The following NTRK3 variants were observed in gnomAD, a reference collection of about 807,000 sequenced individuals.
NTRK3 encodes neurotrophic receptor tyrosine kinase 3.
NTRK3 carries 24 observed loss-of-function variants against 91.7 expected under a neutral mutation model. That is an observed-to-expected ratio of 0.26 (90% CI 0.19 to 0.37). The LOEUF is 0.37. Among genes scored for constraint, NTRK3 ranks in the 10% least tolerant of loss-of-function variants. The pLI is 1.00. For missense variants in NTRK3, 880 were observed against 1,068.9 expected (o/e 0.82, Z 2.46); for synonymous variants, 483 against 404.0 (o/e 1.20, Z -2.34).
At chr15:88,077,145 A>C (rs1338740861) in intron 13 of NTRK3, among the ~76,000 whole-genome samples, 1 of 152,128 alleles carries the variant, frequency 6.6e-6, no homozygotes, top group Admixed American at 6.5e-5. Flanking sequence ...TTCTCCAAGC[A>C]GATAAATGAA....
At chr15:87,894,446 T>C (rs2066005206) in intron 17 of NTRK3, among the ~76,000 whole-genome samples, 1 of 152,200 alleles carries the variant, frequency 6.6e-6, no homozygotes, top group Non-Finnish European at 1.5e-5. Flanking sequence ...ACAATGCATG[T>C]GCATCGTGTG....
intron 3 of NTRK3, among the ~76,000 whole-genome samples, chr15:88,242,968 G>C (rs1326721320): frequency 6.6e-6 from 1 of 152,224 alleles, no homozygotes; most frequent in East Asian, 1.9e-4. Context: ...ACCTGCCCTA[G>C]GGATGGGAGC....
intron 5 of NTRK3, among the ~76,000 whole-genome samples, chr15:88,169,107 G>A (rs2045270680): frequency 6.6e-6 from 1 of 152,184 alleles, no homozygotes; most frequent in African/African-American, 2.4e-5. Flanking sequence ...GAGCCCTGGA[G>A]GACATGCAGG....
At chr15:88,247,010 A>C (rs1027446785) in intron 3 of NTRK3, among the ~76,000 whole-genome samples, 1 of 152,146 alleles carries the variant, frequency 6.6e-6, no homozygotes, top group Non-Finnish European at 1.5e-5. Context: ...GGCCACCAGG[A>C]GTGTAGCCGC....
intron 6 of NTRK3, among the ~76,000 whole-genome samples, chr15:88,139,946 G>A (rs933059028): frequency 4.6e-5 from 7 of 151,202 alleles, no homozygotes; most frequent in East Asian, 2.0e-4. Flanking sequence ...GGGGGGTGGG[G>A]GTAAGTAGAA....
intron 17 of NTRK3, chr15:87,927,768 G>A (rs1332946396): frequency 6.6e-6 from 1 of 152,152 alleles, no homozygotes; most frequent in Admixed American, 6.5e-5. Flanking sequence ...CAATTAATTT[G>A]TTTGCACCTT....
intron 14 of NTRK3, 42 bp downstream of exon 14, chr15:88,032,815 C>CA: frequency 6.2e-7 from 1 of 1,605,774 alleles, no homozygotes; most frequent in Non-Finnish European, 8.5e-7. Context: ...ACCAACCACC[C>CA]TCCCCTCCCC....
At chr15:87,904,317 ATT>A (rs555981141) in intron 17 of NTRK3, among the ~76,000 whole-genome samples, 1 of 148,518 alleles carries the variant, frequency 6.7e-6, no homozygotes, top group East Asian at 2.0e-4. Context: ...CGCCCGGCTA[ATT>A]TTTTTTTTAT....
At chr15:87,866,356 G>A (rs941861039) in exon 19 of NTRK3, 1 of 180,282 alleles carries the variant, frequency 5.5e-6, no homozygotes, top group Non-Finnish European at 1.2e-5. Context: ...GAATATATTA[G>A]AAGGAATCAA....
Position 88,137,292 on chromosome 15 carries a change from G to C in NTRK3, c.622+112C>G, listed in dbSNP as rs1597521531. ...ACACAACTGCAGAGTTCAAGGCTGG[G>C]AGGGCGTTTCGAAAGGAAGGCTCTG... On this transcript the variant is annotated intron_variant, in intron 7 of 18. Coordinates refer to ENST00000394480, the Ensembl canonical transcript of NTRK3. 7.2e-6 allele frequency: 9 copies of C among 1,253,428 alleles called. No individual in the cohort carries two copies. The East Asian group carries it at 2.2e-4, about 31-fold the overall frequency. The allele number at this position is 1,253,428 out of a possible 1,614,324, so 77.6% of individuals were successfully genotyped here.
intron 17 of NTRK3, among the ~76,000 whole-genome samples, chr15:87,914,151 T>C (rs2067285164): frequency 1.3e-5 from 2 of 152,194 alleles, no homozygotes; most frequent in South Asian, 4.1e-4. Context: ...AACTTTCACA[T>C]TATGATCCAG....
chr15:88,096,522 C>T (rs2049619313), intron 13 of NTRK3, among the ~76,000 whole-genome samples: 1 of 152,128 alleles, frequency 6.6e-6, no homozygotes, highest in South Asian at 2.1e-4. Context: ...GGCAGTTCAG[C>T]CCCCAAACTA....
At chr15:88,097,862 T>C (rs1367203825) in intron 13 of NTRK3, among the ~76,000 whole-genome samples, 1 of 152,244 alleles carries the variant, frequency 6.6e-6, no homozygotes, top group Non-Finnish European at 1.5e-5. Flanking sequence ...AGTGTTTATT[T>C]TGGGGTGCTA....
intron 16 of NTRK3, 88 bp from the exon 17 acceptor site, chr15:87,929,522 G>T: frequency 6.7e-7 from 1 of 1,490,796 alleles, no homozygotes; most frequent in Non-Finnish European, 9.1e-7. Flanking sequence ...CCTCTGGAAT[G>T]CCCCACAGAA....
intron 5 of NTRK3, among the ~76,000 whole-genome samples, chr15:88,150,838 C>T (rs539965971): frequency 1.3e-5 from 2 of 152,286 alleles, no homozygotes; most frequent in South Asian, 2.1e-4. Context: ...CTGCCCTCAC[C>T]GGCATTGATA....
intron 3 of NTRK3, among the ~76,000 whole-genome samples, chr15:88,185,798 C>G (rs2046896989): frequency 6.6e-6 from 1 of 152,168 alleles, no homozygotes; most frequent in African/African-American, 2.4e-5. Flanking sequence ...TCAGAGCCAG[C>G]AAGGCAGCAG....
chr15:88,003,801 G>T (rs1388884976), intron 14 of NTRK3, among the ~76,000 whole-genome samples: 2 of 149,786 alleles, frequency 1.3e-5, no homozygotes, highest in Non-Finnish European at 3.0e-5. Context: ...AGGGTGTAAG[G>T]AACCAACTGT....
intron 13 of NTRK3, among the ~76,000 whole-genome samples, chr15:88,078,188 C>G (rs2047723288): frequency 6.6e-6 from 1 of 152,234 alleles, no homozygotes; most frequent in Non-Finnish European, 1.5e-5. Context: ...GTCCTCTTAG[C>G]ATGGGCTCAG....
At chr15:88,011,571 G>C (rs781337623) in intron 14 of NTRK3, among the ~76,000 whole-genome samples, 2 of 152,150 alleles carry the variant, frequency 1.3e-5, no homozygotes, top group African/African-American at 4.8e-5. Context: ...ATGAGGTGAA[G>C]TTTGGGGTTG....
Sources: gnomAD v4.1 joint callset for allele counts (sites outside exome capture counted in the v4.1 genomes callset) on GRCh38, gnomAD v4.1.1 for gene constraint, MANE v1.5 for transcripts, NCBI Gene and HGNC (gene_info 2026-07-23, HGNC 2026-07-21) for gene names.